The following TSPEAR variants were observed in gnomAD, a reference collection of about 807,000 sequenced individuals.
TSPEAR encodes the protein thrombospondin-type laminin G domain and EAR repeat-containing protein.
In TSPEAR, 69 loss-of-function variants were observed where a neutral mutation model predicts 71.6. The ratio of observed to expected loss-of-function variants is 0.96; its 90% CI spans 0.79 to 1.18. The LOEUF (loss-of-function observed/expected upper bound fraction) is 1.18. TSPEAR is among the 50% of genes most tolerant of loss of function. TSPEAR has a pLI of 0.00. For missense variants in TSPEAR, 971 were observed against 894.9 expected, an observed-to-expected ratio of 1.09 and a Z score of -1.09; for synonymous variants, 402 against 387.2, an observed-to-expected ratio of 1.04 and a Z score of -0.45.
chr21:44,676,280 G>A lies in TSPEAR; in HGVS notation c.82+35153C>T, dbSNP rs180830551. On this transcript the variant is annotated intron_variant, in intron 1 of 11. Coordinates refer to ENST00000323084, the MANE Select transcript of TSPEAR (RefSeq NM_144991.3). ...TCTTCACTGTACACCCCATGGGTCA[G>A]GGACTCTGGAGGGATAGCTGTGGCT... 2.3e-5 allele frequency: 29 copies of A among 1,254,146 alleles called. No individual in the cohort carries two copies. In the African/African-American group the frequency reaches 3.1e-4, roughly 13 times the overall value. The allele number at this position is 1,254,146 out of a possible 1,614,324, so 77.7% of individuals were successfully genotyped here.
At chr21:44,601,048 T>G in intron 1 of TSPEAR, 1 of 1,603,584 alleles carries the variant, frequency 6.2e-7, no homozygotes, top group Non-Finnish European at 8.5e-7. Context: ...TAGCTGCCAG[T>G]CAGCTTGCTG....
chr21:44,507,522 A>G (rs1198683884), intron 10 of TSPEAR, among the ~76,000 whole-genome samples: 1 of 152,086 alleles, frequency 6.6e-6, no homozygotes, highest in Non-Finnish European at 1.5e-5. Flanking sequence ...CATTACCTTA[A>G]TTAATTGGTA....
In TSPEAR at chr21:44,593,873, A is replaced by T. The variant is rs991469485; in HGVS notation, c.83-25868T>A. Among the ~76,000 whole-genome samples, 2 of 152,210 alleles carry T rather than the reference A, an allele frequency of 1.3e-5. No homozygotes were observed. Among genetic ancestry groups the T allele is most frequent in the African/African-American group, 4.8e-5 (2 of 41,456 alleles). The stretch of plus-strand genomic sequence containing the variant: ...ACGACTGCAGCTCATCCACCAGCAG[A>T]TGCCAACTGACCACGTTCCACAGCC... On this transcript the variant is annotated intron_variant, in intron 1 of 11. Transcript: ENST00000323084. This position sits in a 1 kb window ranked among gnomAD's most constrained non-coding sequence, Gnocchi z 5.9.
rs782763210 is a variant in TSPEAR, at chr21:44,525,750, A to G, written c.1239T>C (p.Phe413=). ...IYKWSHRKLK[F]TPYQSIATHS... is the part of the protein sequence containing the mutation. ...GTGTGGCAATGCTCTGATATGGGGT[A>G]AACTTCAGCTTTCTGTGGCTCCATT... Residue 413 remains phenylalanine, a synonymous_variant, in exon 8 of 12, where the codon TTT becomes TTC. Transcript: ENST00000323084. 2 of 1,614,026 alleles carry G rather than the reference A, an allele frequency of 1.2e-6. No homozygotes were observed. The highest frequency in any genetic ancestry group is 1.7e-6 in the Non-Finnish European group (2 of 1,180,038).
chr21:44,530,455 C>T, intron 4 of TSPEAR, among the ~76,000 whole-genome samples: 1 of 151,908 alleles, frequency 6.6e-6, no homozygotes, highest in East Asian at 1.9e-4. Flanking sequence ...GTTCATCTCT[C>T]CACGCATCCA....
rs782029850 is a variant in TSPEAR, at chr21:44,637,367, A to ACACT, written c.83-69366_83-69363dup. On this transcript the variant is annotated intron_variant, in intron 1 of 11. Coordinates refer to ENST00000323084, the MANE Select transcript of TSPEAR (RefSeq NM_144991.3). Reference sequence around the variant, plus strand: ...CAGGCTCACACACACACTCACTCACACACTCACTCACTCACACACCTCCCC... The same window carrying ACACT: ...CAGGCTCACACACACACTCACTCACACACTCACTCACTCACTCACACACCTCCCC... 17 of 1,573,350 alleles carry ACACT rather than the reference A, an allele frequency of 1.1e-5. No individual in the cohort carries two copies. In the East Asian group the frequency reaches 2.7e-4, roughly 25 times the overall value.
intron 1 of TSPEAR, among the ~76,000 whole-genome samples, chr21:44,673,378 C>A (rs1441342141): frequency 6.6e-6 from 1 of 152,166 alleles, no homozygotes; most frequent in African/African-American, 2.4e-5. Flanking sequence ...ACCACTGGAC[C>A]AGCCATACAG....
intron 1 of TSPEAR, among the ~76,000 whole-genome samples, chr21:44,626,440 G>T (rs587646949): frequency 8.5e-5 from 13 of 152,334 alleles, no homozygotes; most frequent in Admixed American, 7.8e-4. Flanking sequence ...AGTGGCGAGG[G>T]CTGGCGGCTG....
chr21:44,611,415 T>C (rs451948), intron 1 of TSPEAR, among the ~76,000 whole-genome samples: 142,192 of 152,100 alleles, frequency 0.93, 66,527 homozygotes, highest in Middle Eastern at 0.95. Context: ...TCTCTTGCTG[T>C]CACCATGTAA....
At position 44,593,672 on chromosome 21, in the gene TSPEAR, A is replaced by C. The variant is rs2049351552; in HGVS notation, c.83-25667T>G. ...AAAATAGAGACCGTAAGACCCACAG[A>C]GCAGACTCTGGCAATAAGATATCAA... On this transcript the variant is annotated intron_variant, in intron 1 of 11. Coordinates refer to ENST00000323084, the MANE Select transcript of TSPEAR (RefSeq NM_144991.3). This position sits in a 1 kb window ranked among gnomAD's most constrained non-coding sequence, Gnocchi z 5.9. Among the ~76,000 whole-genome samples, 1 of 152,186 alleles carries C rather than the reference A, an allele frequency of 6.6e-6. No individual in the cohort carries two copies. The highest frequency in any genetic ancestry group is 1.5e-5 in the Non-Finnish European group (1 of 68,032).
intron 1 of TSPEAR, among the ~76,000 whole-genome samples, chr21:44,606,064 C>CT (rs1981284663): frequency 6.7e-6 from 1 of 149,390 alleles, no homozygotes; most frequent in Non-Finnish European, 1.5e-5. Flanking sequence ...TGAGGGACTA[C>CT]TACTCACAAT....
chr21:44,673,638 A>T (rs1986162520), intron 1 of TSPEAR, among the ~76,000 whole-genome samples: 1 of 152,246 alleles, frequency 6.6e-6, no homozygotes, highest in Non-Finnish European at 1.5e-5. Context: ...AGAACATTTC[A>T]TCTAACAGCT....
At chr21:44,619,527 G>A (rs375656946) in intron 1 of TSPEAR, among the ~76,000 whole-genome samples, 7 of 152,152 alleles carry the variant, frequency 4.6e-5, no homozygotes, top group Non-Finnish European at 7.3e-5. Context: ...GCCCAGAATT[G>A]GACTTATTAG....
intron 1 of TSPEAR, chr21:44,575,437 A>C: frequency 1.5e-5 from 3 of 197,148 alleles, no homozygotes; most frequent in Non-Finnish European, 3.2e-5. Flanking sequence ...TTTGTGCACA[A>C]CCCTCTGCTG....
intron 1 of TSPEAR, chr21:44,592,106 A>G (rs13051603): frequency 0.081 from 114,186 of 1,409,280 alleles, 20,976 homozygotes; most frequent in African/African-American, 0.36. Context: ...CAGCAGACGG[A>G]CACACAGCAC....
intron 1 of TSPEAR, among the ~76,000 whole-genome samples, chr21:44,648,898 G>T (rs1313430082): frequency 6.6e-6 from 1 of 152,262 alleles, no homozygotes; most frequent in Non-Finnish European, 1.5e-5. Flanking sequence ...CAGACGCAGA[G>T]GAGAAACTAG....
chr21:44,654,882 G>C (rs781904725), intron 1 of TSPEAR, among the ~76,000 whole-genome samples: 1 of 152,144 alleles, frequency 6.6e-6, no homozygotes, highest in Non-Finnish European at 1.5e-5. Flanking sequence ...GGGGTAGCTG[G>C]TGAAGGGCTG....
In TSPEAR at chr21:44,661,925, C is replaced by A. The variant is rs1478914451; in HGVS notation, c.82+49508G>T. On this transcript the variant is annotated intron_variant, in intron 1 of 11. Coordinates refer to ENST00000323084, the MANE Select transcript of TSPEAR (RefSeq NM_144991.3). ...CTCCCACCAGGCCCCACCTCCAACA[C>A]TGGAGATTACAATTCAACATGAGAT... 5.3e-5 allele frequency among the ~76,000 whole-genome samples: 8 copies of A among 152,188 alleles called. No individual in the cohort carries two copies. The East Asian group carries it at 1.5e-3, about 29-fold the overall frequency.
chr21:44,580,094 C>T, intron 1 of TSPEAR: 1 of 1,613,726 alleles, frequency 6.2e-7, no homozygotes, highest in Non-Finnish European at 8.5e-7. Context: ...GGAGGTGCAG[C>T]AAGTCGGCTG....
Sources: allele counts gnomAD v4.1 joint callset (sites outside exome capture counted in the v4.1 genomes callset), GRCh38; gene constraint gnomAD v4.1.1; non-coding constraint Gnocchi (gnomAD v3.1); transcripts MANE v1.5; gene names NCBI Gene and HGNC (gene_info 2026-07-23, HGNC 2026-07-21).